Variants in SCFD2 observed in about 807,000 individuals in gnomAD.
SCFD2 encodes sec1 family domain containing 2.
SCFD2 carries 54 observed loss-of-function variants against 58.9 expected under a neutral mutation model. The observed-to-expected ratio is 0.92, with a 90% CI of 0.74 to 1.15. SCFD2 has a LOEUF of 1.15. Ranked by LOEUF, SCFD2 falls within the 50% of genes most tolerant of loss-of-function variation. The probability of loss-of-function intolerance (pLI) is 0.00; values close to 1 mark genes in which losing one functional copy is unlikely to be tolerated. For synonymous variants in SCFD2, 321 were observed against 335.9 expected (o/e 0.96, Z 0.49); for missense variants, 805 against 836.6 (o/e 0.96, Z 0.47).
At chr4:53,145,646 T>G (rs1726307559) in intron 4 of SCFD2, 64 bp from the exon 5 acceptor site, 1 of 1,429,070 alleles carries the variant, frequency 7.0e-7, no homozygotes, top group East Asian at 2.3e-5. Flanking sequence ...ATGGATTACA[T>G]TAGTCGAATG....
intron 4 of SCFD2, among the ~76,000 whole-genome samples, chr4:53,243,968 G>T (rs932014626): frequency 2.0e-5 from 3 of 151,870 alleles, no homozygotes; most frequent in African/African-American, 4.8e-5. Flanking sequence ...AACCAACAAA[G>T]ATCAAAAAAG....
intron 4 of SCFD2, among the ~76,000 whole-genome samples, chr4:53,269,722 C>G (rs1015153190): frequency 6.6e-6 from 1 of 151,930 alleles, no homozygotes; most frequent in Admixed American, 6.6e-5. Flanking sequence ...CAGACCATGG[C>G]AGAACAATAA....
rs561138629 is a variant in SCFD2 at position 53,234,573 on chromosome 4, T to A, written c.1311+39253A>T. 3.9e-5 allele frequency among the ~76,000 whole-genome samples: 6 copies of A among 152,338 alleles called. No individual in the cohort carries two copies. The South Asian group carries it at 1.2e-3, about 32-fold the overall frequency. On this transcript the variant is annotated intron_variant, in intron 4 of 8. Coordinates refer to ENST00000401642, the MANE Select transcript of SCFD2 (RefSeq NM_152540.4). ...GCTCAGATCTCTTTAATTCCTAATG[T>A]TCTTTATCTGGGACTTTTTTGATAC... is the stretch of plus-strand genomic sequence containing the variant.
intron 8 of SCFD2, among the ~76,000 whole-genome samples, chr4:52,881,361 C>A (rs1319763564): frequency 6.6e-6 from 1 of 152,250 alleles, no homozygotes; most frequent in East Asian, 1.9e-4. Flanking sequence ...AAAGGAAGCT[C>A]TTCCTCCTGG....
chr4:52,880,466 A>T (rs1302138051), intron 8 of SCFD2, among the ~76,000 whole-genome samples: 1 of 151,702 alleles, frequency 6.6e-6, no homozygotes, highest in African/African-American at 2.4e-5. Flanking sequence ...AAATACAAAA[A>T]ATTAACCAGG....
At chr4:52,930,627 A>C (rs1719969816) in intron 5 of SCFD2, among the ~76,000 whole-genome samples, 1 of 152,162 alleles carries the variant, frequency 6.6e-6, no homozygotes, top group Non-Finnish European at 1.5e-5. Flanking sequence ...ATCTCTCTAA[A>C]ATGGCTCTCT....
chr4:53,107,225 A>T (rs1010088980), intron 5 of SCFD2, among the ~76,000 whole-genome samples: 1 of 152,228 alleles, frequency 6.6e-6, no homozygotes, highest in African/African-American at 2.4e-5. Flanking sequence ...TCCTGAAGGA[A>T]GCACTAAACA....
chr4:53,033,505 C>T (rs28817340), intron 5 of SCFD2, among the ~76,000 whole-genome samples: 3,174 of 152,076 alleles, frequency 0.021, 126 homozygotes, highest in African/African-American at 0.073. Context: ...ACGAAAAATC[C>T]TTCAAAAAAT....
intron 5 of SCFD2, among the ~76,000 whole-genome samples, chr4:53,066,643 C>T (rs756668674): frequency 3.3e-5 from 5 of 151,968 alleles, no homozygotes; most frequent in Non-Finnish European, 7.4e-5. Context: ...ATCTGGGCCC[C>T]CACCCAACCA....
intron 7 of SCFD2, among the ~76,000 whole-genome samples, chr4:52,891,085 A>G (rs1049298237): frequency 3.9e-5 from 6 of 152,304 alleles, no homozygotes; most frequent in African/African-American, 1.4e-4. Context: ...GGAAGCACCC[A>G]GGTTGACACT....
intron 4 of SCFD2, among the ~76,000 whole-genome samples, chr4:53,254,286 T>A (rs1370456541): frequency 1.3e-5 from 2 of 152,086 alleles, no homozygotes; most frequent in African/African-American, 4.8e-5. Flanking sequence ...CATGCTGTTC[T>A]CAGGATAACG....
At chr4:53,004,848 A>T (rs1277758776) in intron 5 of SCFD2, among the ~76,000 whole-genome samples, 1 of 152,128 alleles carries the variant, frequency 6.6e-6, no homozygotes, top group Non-Finnish European at 1.5e-5. Flanking sequence ...TAAAGTATCC[A>T]TTCCCCCAGC....
At chr4:52,974,785 G>A (rs1029474943) in intron 5 of SCFD2, among the ~76,000 whole-genome samples, 1 of 152,066 alleles carries the variant, frequency 6.6e-6, no homozygotes, top group Admixed American at 6.5e-5. Flanking sequence ...CAAGGCTACA[G>A]TAACCAAAAC....
intron 5 of SCFD2, among the ~76,000 whole-genome samples, chr4:52,967,082 A>G (rs1720980562): frequency 6.6e-6 from 1 of 152,230 alleles, no homozygotes; most frequent in South Asian, 2.1e-4. Context: ...GATGCTTCAT[A>G]TAAGTAGAAT....
chr4:53,005,498 A>T (rs1721953939), intron 5 of SCFD2, among the ~76,000 whole-genome samples: 1 of 152,122 alleles, frequency 6.6e-6, no homozygotes, highest in South Asian at 2.1e-4. Flanking sequence ...CCCTCTCCTC[A>T]TACATTAAAT....
chr4:52,937,498 G>C (rs989414053), intron 5 of SCFD2, among the ~76,000 whole-genome samples: 1 of 152,216 alleles, frequency 6.6e-6, no homozygotes, highest in African/African-American at 2.4e-5. Flanking sequence ...CTCCTGTAGA[G>C]AGCACACAAG....
At chr4:53,155,855 G>A (rs1255449478) in intron 4 of SCFD2, among the ~76,000 whole-genome samples, 1 of 152,214 alleles carries the variant, frequency 6.6e-6, no homozygotes, top group Non-Finnish European at 1.5e-5. Flanking sequence ...ATTCTGTCAA[G>A]AGGTCCATGA....
At chr4:53,303,259 A>T in intron 3 of SCFD2, among the ~76,000 whole-genome samples, 1 of 152,250 alleles carries the variant, frequency 6.6e-6, no homozygotes, top group Non-Finnish European at 1.5e-5. Context: ...TTACAAGAAA[A>T]AAACAAACAA....
At chr4:53,164,591 C>T (rs551291032) in intron 4 of SCFD2, among the ~76,000 whole-genome samples, 4 of 152,190 alleles carry the variant, frequency 2.6e-5, no homozygotes, top group African/African-American at 9.6e-5. Context: ...ATGAGGTGTT[C>T]AAGACCAGAT....
Sources: allele counts gnomAD v4.1 joint callset (sites outside exome capture counted in the v4.1 genomes callset), GRCh38; gene constraint gnomAD v4.1.1; transcripts MANE v1.5; gene names NCBI Gene and HGNC (gene_info 2026-07-23, HGNC 2026-07-21).